SAMD12: variants seen among roughly 807,000 people sequenced by gnomAD.
The protein encoded by SAMD12 is sterile alpha motif domain-containing protein 12.
SAMD12 carries 9 observed loss-of-function variants against 15.0 expected under a neutral mutation model. The ratio of observed to expected loss-of-function variants is 0.60; its 90% CI spans 0.36 to 1.05. The LOEUF is 1.05. Among genes scored for constraint, SAMD12 ranks in the 50% least tolerant of loss-of-function variants. The pLI, the probability that SAMD12 is intolerant of heterozygous loss-of-function variation, is 0.01. For missense variants in SAMD12, 230 were observed against 234.2 expected (o/e 0.98, Z 0.12); for synonymous variants, 86 against 90.1 (o/e 0.96, Z 0.25).
chr8:118,303,347 T>G (rs1815146433), intron 4 of SAMD12, among the ~76,000 whole-genome samples: 2 of 152,196 alleles, frequency 1.3e-5, no homozygotes, highest in Admixed American at 6.5e-5. Context: ...CTGGAGGTTC[T>G]TATAAACAAG....
At chr8:118,193,012 T>C (rs1299469831) in exon 5 of SAMD12, 1 of 152,254 alleles carries the variant, frequency 6.6e-6, no homozygotes, top group African/African-American at 2.4e-5. Context: ...TCAGTCATTT[T>C]GCCGTTAGGC....
chr8:118,567,544 C>G (rs1488973272), intron 2 of SAMD12, among the ~76,000 whole-genome samples: 1 of 152,138 alleles, frequency 6.6e-6, no homozygotes, highest in Non-Finnish European at 1.5e-5. Flanking sequence ...TGAATACTTA[C>G]TACCTAAACT....
At position 118,197,734 on chromosome 8, in the gene SAMD12, T is replaced by C; in HGVS notation, c.434-2A>G. On this transcript the variant is annotated splice_acceptor_variant, in intron 4 of 4. Transcript: ENST00000409003. LOFTEE classifies it high-confidence loss of function. Reference sequence around the variant, plus strand: ...TTTATGGAGAACCCTCAGATGATGCTGCAAGAAGAAAAAGGGGGAAATATG... The same window carrying C: ...TTTATGGAGAACCCTCAGATGATGCCGCAAGAAGAAAAAGGGGGAAATATG... 1 of 1,613,326 alleles carries C rather than the reference T, an allele frequency of 6.2e-7. No homozygotes were observed. Among genetic ancestry groups the C allele is most frequent in the Non-Finnish European group, 8.5e-7 (1 of 1,179,272 alleles).
chr8:118,362,689 CT>C (rs1469782445), intron 4 of SAMD12, among the ~76,000 whole-genome samples: 1 of 152,188 alleles, frequency 6.6e-6, no homozygotes. Flanking sequence ...TCACATACTT[CT>C]TACATAGCAG....
the SAMD12 span, among the ~76,000 whole-genome samples, chr8:118,169,065 G>A: frequency 6.6e-6 from 1 of 152,110 alleles, no homozygotes; most frequent in Non-Finnish European, 1.5e-5. Context: ...GGGAAAGAAA[G>A]GGGAAAGGGT....
In SAMD12 at chr8:118,559,986, A is replaced by C. The variant is rs190337283; in HGVS notation, c.192+20729T>G. Reference sequence around the variant, plus strand: ...CAGAAACAGTTAAAGAAGATTCAGGAATCTAATGCTTTTTGGGAGTCATTA... The same window carrying C: ...CAGAAACAGTTAAAGAAGATTCAGGCATCTAATGCTTTTTGGGAGTCATTA... On this transcript the variant is annotated intron_variant, in intron 2 of 3. Transcript: ENST00000314727. 3.9e-3 allele frequency among the ~76,000 whole-genome samples: 593 copies of C among 151,842 alleles called. 5 individuals are homozygous for C. Among genetic ancestry groups the C allele is most frequent in the African/African-American group, 0.014 (568 of 41,104 alleles).
chr8:118,486,603 C>T (rs1174672492), intron 2 of SAMD12, among the ~76,000 whole-genome samples: 1 of 152,000 alleles, frequency 6.6e-6, no homozygotes, highest in Non-Finnish European at 1.5e-5. Context: ...GGAAAGTGGC[C>T]CTGCTTATAC....
intron 3 of SAMD12, among the ~76,000 whole-genome samples, chr8:118,410,973 AT>A (rs1314283716): frequency 6.6e-6 from 1 of 152,196 alleles, no homozygotes; most frequent in Non-Finnish European, 1.5e-5. Context: ...AACTTGAGGA[AT>A]CTTTCAGTGA....
At position 118,621,937 on chromosome 8, in the gene SAMD12, A is replaced by G. The variant is rs770293946; in HGVS notation, c.-121T>C. On this transcript the variant is annotated 5_prime_UTR_variant, in exon 1 of 4. Coordinates refer to ENST00000314727, the MANE Select transcript of SAMD12 (RefSeq NM_207506.3). ...TCTGCGCTTATCTGCTCCAGGACCA[A>G]CCTGCCGCGGTCACGCAAAGCGAGG... 12 of 1,222,324 alleles carry G rather than the reference A, an allele frequency of 9.8e-6. No individual in the cohort carries two copies. The highest frequency in any genetic ancestry group is 1.5e-5 in the Non-Finnish European group (12 of 826,782). 75.7% of individuals were successfully genotyped at this position (1,222,324 alleles called of 1,614,324 possible).
the SAMD12 span, among the ~76,000 whole-genome samples, chr8:118,138,900 G>A: frequency 6.6e-6 from 1 of 152,158 alleles, no homozygotes; most frequent in Admixed American, 6.5e-5. Context: ...TGATGAGCAT[G>A]TGCATCAGCC....
intron 4 of SAMD12, among the ~76,000 whole-genome samples, chr8:118,309,976 T>TA (rs1312992409): frequency 7.2e-5 from 11 of 152,180 alleles, no homozygotes; most frequent in African/African-American, 2.7e-4. Flanking sequence ...TTAATAATTA[T>TA]TAAAGGAAAG....
At chr8:118,604,312 A>G (rs2092970763) in intron 1 of SAMD12, among the ~76,000 whole-genome samples, 1 of 152,242 alleles carries the variant, frequency 6.6e-6, no homozygotes, top group African/African-American at 2.4e-5. Flanking sequence ...AAATTTATAT[A>G]TAACGTTTGT....
At chr8:118,618,520 C>T (rs1828303298) in intron 1 of SAMD12, among the ~76,000 whole-genome samples, 1 of 152,086 alleles carries the variant, frequency 6.6e-6, no homozygotes, top group Admixed American at 6.5e-5. Context: ...TCCAGACACC[C>T]TTCTAGAAGC....
intron 3 of SAMD12, among the ~76,000 whole-genome samples, chr8:118,431,026 C>A (rs1822387518): frequency 6.6e-6 from 1 of 152,102 alleles, no homozygotes; most frequent in Non-Finnish European, 1.5e-5. Context: ...ATCTTCTCAA[C>A]ACATTATTTA....
At chr8:118,609,402 C>A (rs1828054256) in intron 1 of SAMD12, among the ~76,000 whole-genome samples, 1 of 152,086 alleles carries the variant, frequency 6.6e-6, no homozygotes, top group Non-Finnish European at 1.5e-5. Context: ...CACTGAGAGC[C>A]CAGGAAACAG....
At chr8:118,334,615 A>C (rs112535516) in intron 4 of SAMD12, among the ~76,000 whole-genome samples, 9 of 152,252 alleles carry the variant, frequency 5.9e-5, no homozygotes, top group African/African-American at 2.2e-4. Context: ...TTTGTTTTTG[A>C]GACAGGGTCT....
intron 4 of SAMD12, among the ~76,000 whole-genome samples, chr8:118,310,608 G>A (rs907214014): frequency 3.3e-5 from 5 of 152,154 alleles, no homozygotes; most frequent in Admixed American, 1.3e-4. Context: ...AGGTGGGTAT[G>A]CTCTTGACTT....
chr8:118,372,656 G>A (rs549611374), intron 4 of SAMD12, among the ~76,000 whole-genome samples: 1 of 152,100 alleles, frequency 6.6e-6, no homozygotes, highest in Non-Finnish European at 1.5e-5. Flanking sequence ...GCTTATGGCA[G>A]CTTTCTTTGT....
At chr8:118,179,293 C>T in the SAMD12 span, among the ~76,000 whole-genome samples, 6 of 151,946 alleles carry the variant, frequency 3.9e-5, no homozygotes, top group South Asian at 2.1e-4. Context: ...CAAAATTAGC[C>T]GGGCGTGGTG....
Sources: allele counts gnomAD v4.1 joint callset (sites outside exome capture counted in the v4.1 genomes callset), GRCh38; gene constraint gnomAD v4.1.1; transcripts MANE v1.5; gene names NCBI Gene and HGNC (gene_info 2026-07-23, HGNC 2026-07-21).